The following APBA1 variants were observed in gnomAD, a reference collection of about 807,000 sequenced individuals.
APBA1 encodes amyloid beta precursor protein binding family A member 1.
APBA1 carries 55 observed loss-of-function variants against 86.6 expected under a neutral mutation model. That is an observed-to-expected ratio of 0.64 (90% confidence interval 0.51 to 0.80). The LOEUF is 0.80. APBA1 is among the 30% of genes least tolerant of loss of function. APBA1 has a pLI of 0.00. For missense variants in APBA1, 1,090 were observed against 1,183.0 expected (o/e 0.92, Z 1.15); for synonymous variants, 511 against 493.9 (o/e 1.03, Z -0.46).
At chr9:69,440,600 T>C (rs1010825055) in intron 11 of APBA1, among the ~76,000 whole-genome samples, 16 of 152,208 alleles carry the variant, frequency 1.1e-4, no homozygotes, top group African/African-American at 3.9e-4. Context: ...GGGTATAATC[T>C]CCTGGTGTGC....
intron 1 of APBA1, among the ~76,000 whole-genome samples, chr9:69,578,263 T>A (rs529255597): frequency 1.3e-5 from 2 of 152,294 alleles, no homozygotes; most frequent in South Asian, 2.1e-4. Context: ...CGGATCCAAC[T>A]GCTAAAGCTG....
intron 1 of APBA1, among the ~76,000 whole-genome samples, chr9:69,542,317 A>T (rs1273643011): frequency 6.6e-6 from 1 of 152,126 alleles, no homozygotes; most frequent in Non-Finnish European, 1.5e-5. Flanking sequence ...CATGATGTAC[A>T]CTCTATGGGT....
At chr9:69,450,832 AAAG>A (rs569666636) in intron 9 of APBA1, among the ~76,000 whole-genome samples, 126 of 152,284 alleles carry the variant, frequency 8.3e-4, no homozygotes, top group African/African-American at 2.8e-3. Flanking sequence ...TCAAAAAAAA[AAAG>A]AGGAAATTTG....
At chr9:69,486,152 G>C (rs1257362326) in intron 2 of APBA1, among the ~76,000 whole-genome samples, 1 of 151,838 alleles carries the variant, frequency 6.6e-6, no homozygotes, top group African/African-American at 2.4e-5. Flanking sequence ...GGGTTTCATC[G>C]TGTTGGCCAG....
intron 11 of APBA1, 40 bp from the exon 12 acceptor site, chr9:69,432,716 G>A: frequency 3.4e-6 from 5 of 1,450,130 alleles, no homozygotes; most frequent in Non-Finnish European, 4.5e-6. Context: ...ATTGCAGACA[G>A]TGCGGTGGGG....
chr9:69,606,702 C>G (rs887515258), intron 1 of APBA1, among the ~76,000 whole-genome samples: 9 of 152,002 alleles, frequency 5.9e-5, no homozygotes, highest in South Asian at 2.1e-4. Flanking sequence ...CCGTGTTAGC[C>G]AGGATGGTCT....
intron 1 of APBA1, among the ~76,000 whole-genome samples, chr9:69,633,393 G>T (rs1204086465): frequency 6.6e-6 from 1 of 152,110 alleles, no homozygotes; most frequent in Admixed American, 6.6e-5. Flanking sequence ...GTAGCACCTG[G>T]AATACTTTCT....
At chr9:69,577,107 A>C (rs912038236) in intron 1 of APBA1, among the ~76,000 whole-genome samples, 7 of 152,154 alleles carry the variant, frequency 4.6e-5, no homozygotes, top group Admixed American at 3.9e-4. Context: ...CATCTCAAAC[A>C]TTTATCATTT....
chr9:69,592,349 G>T (rs1436726772), intron 1 of APBA1, among the ~76,000 whole-genome samples: 1 of 152,168 alleles, frequency 6.6e-6, no homozygotes, highest in Admixed American at 6.5e-5. Flanking sequence ...TGATCCCAGT[G>T]CTTTGGGAGC....
intron 1 of APBA1, among the ~76,000 whole-genome samples, chr9:69,532,085 A>T (rs188714217): frequency 1.1e-3 from 156 of 142,842 alleles, no homozygotes; most frequent in African/African-American, 3.9e-3. Context: ...ACTTCAGGTG[A>T]TAATGGTTTA....
intron 1 of APBA1, among the ~76,000 whole-genome samples, chr9:69,533,839 GA>G (rs1236796960): frequency 6.6e-6 from 1 of 152,180 alleles, no homozygotes; most frequent in East Asian, 1.9e-4. Context: ...TTACAGAGAA[GA>G]AAACCAAGGA....
intron 1 of APBA1, among the ~76,000 whole-genome samples, chr9:69,577,844 A>G (rs1821833537): frequency 6.6e-6 from 1 of 152,146 alleles, no homozygotes; most frequent in Admixed American, 6.5e-5. Flanking sequence ...AGAGAGGTGA[A>G]GGGACTTATC....
intron 2 of APBA1, among the ~76,000 whole-genome samples, chr9:69,482,656 A>G (rs1440594218): frequency 1.3e-5 from 2 of 151,740 alleles, no homozygotes; most frequent in African/African-American, 4.8e-5. Flanking sequence ...TCATGCTGCT[A>G]TAAAGACACA....
At chr9:69,597,950 C>T (rs1822264236) in intron 1 of APBA1, among the ~76,000 whole-genome samples, 1 of 151,848 alleles carries the variant, frequency 6.6e-6, no homozygotes, top group African/African-American at 2.4e-5. Context: ...ACCCAAAGGA[C>T]TATAAATCAT....
At chr9:69,436,432 C>T (rs893940809) in intron 11 of APBA1, among the ~76,000 whole-genome samples, 1 of 151,928 alleles carries the variant, frequency 6.6e-6, no homozygotes, top group East Asian at 1.9e-4. Flanking sequence ...TCTTCCATTT[C>T]TTTGTATCCT....
intron 8 of APBA1, among the ~76,000 whole-genome samples, chr9:69,452,608 A>G (rs891914855): frequency 6.6e-6 from 1 of 152,228 alleles, no homozygotes; most frequent in Non-Finnish European, 1.5e-5. Context: ...GAGTCATTCT[A>G]TACCCTGCAC....
At chr9:69,445,690 C>T (rs1834895507) in intron 10 of APBA1, among the ~76,000 whole-genome samples, 1 of 152,108 alleles carries the variant, frequency 6.6e-6, no homozygotes, top group Non-Finnish European at 1.5e-5. Context: ...ATAATTATGC[C>T]TTGGGAATTA....
intron 1 of APBA1, among the ~76,000 whole-genome samples, chr9:69,645,976 CATAA>C (rs1823383433): frequency 6.6e-6 from 1 of 152,164 alleles, no homozygotes; most frequent in Admixed American, 6.5e-5. Context: ...ACCTTAAAAC[CATAA>C]ATGTTTTGTT....
At chr9:69,663,545 T>C (rs755289710) in intron 1 of APBA1, among the ~76,000 whole-genome samples, 31 of 152,232 alleles carry the variant, frequency 2.0e-4, no homozygotes, top group Non-Finnish European at 4.1e-4. Flanking sequence ...GCAATTATCC[T>C]TCTTTAAAAT....
Sources: allele counts gnomAD v4.1 joint callset (sites outside exome capture counted in the v4.1 genomes callset), GRCh38; gene constraint gnomAD v4.1.1; transcripts MANE v1.5; gene names NCBI Gene and HGNC (gene_info 2026-07-23, HGNC 2026-07-21).